Variants in CACNB4 observed in about 807,000 individuals in gnomAD.
CACNB4 encodes the protein calcium voltage-gated channel auxiliary subunit beta 4.
A neutral mutation model predicts 71.2 loss-of-function variants in CACNB4; 32 were observed. The ratio of observed to expected loss-of-function variants is 0.45; its 90% CI spans 0.34 to 0.60. The LOEUF (loss-of-function observed/expected upper bound fraction) is 0.60, where lower values mean the gene tolerates loss of function less well. CACNB4 is among the 20% of genes least tolerant of loss of function. CACNB4 has a pLI of 0.01. For missense variants in CACNB4, 464 were observed against 647.9 expected, an observed-to-expected ratio of 0.72 and a Z score of 3.08; for synonymous variants, 231 against 236.9, an observed-to-expected ratio of 0.97 and a Z score of 0.23.
At chr2:151,856,880 A>G (rs2099840453) in intron 10 of CACNB4, 1 of 151,852 alleles carries the variant, frequency 6.6e-6, no homozygotes, top group Admixed American at 6.6e-5. Context: ...GCCTGGCTAA[A>G]TTTTTTATTT....
At chr2:151,881,147 T>A (rs2099847724) in intron 3 of CACNB4, among the ~76,000 whole-genome samples, 2 of 152,206 alleles carry the variant, frequency 1.3e-5, no homozygotes, top group Non-Finnish European at 2.9e-5. Flanking sequence ...CTTTCCAATA[T>A]TCCAAATTTT....
At chr2:152,088,229 A>C (rs1687775827) in intron 2 of CACNB4, among the ~76,000 whole-genome samples, 1 of 151,834 alleles carries the variant, frequency 6.6e-6, no homozygotes, top group African/African-American at 2.4e-5. Context: ...ACTGGTAACA[A>C]TGATCATTTT....
At chr2:152,009,691 T>C (rs149610062) in intron 2 of CACNB4, among the ~76,000 whole-genome samples, 3 of 152,296 alleles carry the variant, frequency 2.0e-5, no homozygotes, top group Non-Finnish European at 4.4e-5. Context: ...TTTCCTGCAG[T>C]GCAATGCACG....
intron 2 of CACNB4, among the ~76,000 whole-genome samples, chr2:152,069,740 C>A (rs1012192562): frequency 1.3e-5 from 2 of 151,878 alleles, no homozygotes; most frequent in Non-Finnish European, 2.9e-5. Context: ...CAGGGCCAGG[C>A]ACTCCAGGTC....
chr2:151,889,608 G>A (rs2099850245), intron 2 of CACNB4, among the ~76,000 whole-genome samples: 2 of 152,074 alleles, frequency 1.3e-5, no homozygotes, highest in East Asian at 1.9e-4. Flanking sequence ...CCACATTGCA[G>A]AAGGAACACA....
Position 152,027,983 on chromosome 2 carries a change from T to C in CACNB4, c.147+70347A>G, listed in dbSNP as rs182341565. On this transcript the variant is annotated intron_variant, in intron 2 of 13. Coordinates refer to ENST00000539935, the MANE Select transcript of CACNB4 (RefSeq NM_000726.5). The stretch of plus-strand genomic sequence containing the variant: ...GATTTGTGAGTAACAGATCTTTTTA[T>C]ACCTTCTTAGTGCACAGGTGGCACC... Among the ~76,000 whole-genome samples the C allele has an allele frequency of 3.7e-4, 56 of 151,980 alleles. No individual in the cohort carries two copies. In the East Asian group the frequency reaches 5.0e-3, roughly 14 times the overall value.
intron 4 of CACNB4, among the ~76,000 whole-genome samples, chr2:151,877,729 A>T (rs2099846808): frequency 6.6e-6 from 1 of 152,222 alleles, no homozygotes; most frequent in Admixed American, 6.5e-5. Flanking sequence ...TTTGTATGTG[A>T]AATTTTGCAA....
At chr2:151,867,384 T>C (rs1379277427) in intron 9 of CACNB4, 1 of 152,234 alleles carries the variant, frequency 6.6e-6, no homozygotes, top group Non-Finnish European at 1.5e-5. Context: ...TTTTTTGCAA[T>C]GCTTTTTTAG....
At chr2:151,840,575 C>G (rs2099835925) in intron 13 of CACNB4, among the ~76,000 whole-genome samples, 1 of 152,174 alleles carries the variant, frequency 6.6e-6, no homozygotes, top group East Asian at 1.9e-4. Flanking sequence ...GGAAGTGAAA[C>G]AAGGCATGAA....
At chr2:151,949,595 GAGAA>G (rs1156945754) in intron 2 of CACNB4, among the ~76,000 whole-genome samples, 1 of 152,156 alleles carries the variant, frequency 6.6e-6, no homozygotes, top group African/African-American at 2.4e-5. Flanking sequence ...GGATGGCTGT[GAGAA>G]AGAGGGAGAA....
chr2:151,869,029 T>C (rs1320841770), intron 9 of CACNB4, 148 bp downstream of exon 9: 4 of 575,722 alleles, frequency 6.9e-6, no homozygotes, highest in Non-Finnish European at 1.2e-5. Flanking sequence ...ATTTTCAGAG[T>C]TCTTTTATTA....
At chr2:151,956,860 T>G (rs2099868391) in intron 2 of CACNB4, among the ~76,000 whole-genome samples, 1 of 152,212 alleles carries the variant, frequency 6.6e-6, no homozygotes, top group African/African-American at 2.4e-5. Flanking sequence ...GACCTTTTAA[T>G]TTCCAGCCGG....
At chr2:152,000,382 A>T (rs1682327681) in intron 2 of CACNB4, among the ~76,000 whole-genome samples, 2 of 152,210 alleles carry the variant, frequency 1.3e-5, no homozygotes, top group African/African-American at 4.8e-5. Context: ...CCCTGCATCT[A>T]GTCTTCTCAT....
chr2:151,996,801 T>C (rs141513506), intron 2 of CACNB4, among the ~76,000 whole-genome samples: 117 of 152,274 alleles, frequency 7.7e-4, no homozygotes, highest in African/African-American at 2.6e-3. Flanking sequence ...AATCCTAGTG[T>C]CTTGCCCAGG....
intron 2 of CACNB4, among the ~76,000 whole-genome samples, chr2:152,066,201 CT>C (rs1299788165): frequency 6.6e-6 from 1 of 152,182 alleles, no homozygotes; most frequent in Non-Finnish European, 1.5e-5. Context: ...CTGCCTCCCT[CT>C]CCCCCTTCCA....
At chr2:151,889,969 G>C (rs1445550419) in intron 2 of CACNB4, among the ~76,000 whole-genome samples, 1 of 152,158 alleles carries the variant, frequency 6.6e-6, no homozygotes, top group Admixed American at 6.5e-5. Context: ...CAAGGTTGCT[G>C]TGTTTACTTG....
intron 2 of CACNB4, among the ~76,000 whole-genome samples, chr2:152,066,106 AT>A (rs1322642543): frequency 1.3e-5 from 2 of 152,162 alleles, no homozygotes; most frequent in African/African-American, 4.8e-5. Flanking sequence ...TCAGCCCCAC[AT>A]CTTACTCCAG....
At chr2:151,990,393 A>G (rs1315282666) in intron 2 of CACNB4, among the ~76,000 whole-genome samples, 2 of 151,982 alleles carry the variant, frequency 1.3e-5, no homozygotes, top group East Asian at 3.9e-4. Flanking sequence ...ACATCTCCTC[A>G]CTTCCCTACC....
chr2:152,052,246 G>A (rs1685473035), intron 2 of CACNB4, among the ~76,000 whole-genome samples: 1 of 152,232 alleles, frequency 6.6e-6, no homozygotes, highest in African/African-American at 2.4e-5. Flanking sequence ...AGTATTGAAT[G>A]TCTCATGTAA....
Sources: gnomAD v4.1 joint callset for allele counts (sites outside exome capture counted in the v4.1 genomes callset) on GRCh38, gnomAD v4.1.1 for gene constraint, MANE v1.5 for transcripts, NCBI Gene and HGNC (gene_info 2026-07-23, HGNC 2026-07-21) for gene names.